Variants in RYR2 observed in about 807,000 individuals in gnomAD.
RYR2 encodes cardiac muscle ryanodine receptor-calcium release channel.
A neutral mutation model predicts 601.1 loss-of-function variants in RYR2; 227 were observed. The observed-to-expected ratio is 0.38, with a 90% CI of 0.34 to 0.42. RYR2 has a LOEUF of 0.42. Among genes scored for constraint, RYR2 ranks in the 10% least tolerant of loss-of-function variants. The pLI is 1.00. For synonymous variants in RYR2, 2,223 were observed against 2,175.1 expected (o/e 1.02, Z -0.61); for missense variants, 4,646 against 6,156.5 (o/e 0.75, Z 8.21).
chr1:237,331,671 ATTT>A (rs34015889), intron 3 of RYR2, among the ~76,000 whole-genome samples: 11 of 134,848 alleles, frequency 8.2e-5, no homozygotes, highest in African/African-American at 2.8e-4. Context: ...ACACCTGGCT[ATTT>A]TTTTTTTTTT....
chr1:237,338,383 A>T (rs1697442230), intron 3 of RYR2, among the ~76,000 whole-genome samples: 1 of 152,194 alleles, frequency 6.6e-6, no homozygotes, highest in Non-Finnish European at 1.5e-5. Context: ...TCCAGTAGTT[A>T]ATCACATGAT....
intron 26 of RYR2, among the ~76,000 whole-genome samples, chr1:237,549,440 G>A (rs1670152458): frequency 6.6e-6 from 1 of 151,846 alleles, no homozygotes; most frequent in Non-Finnish European, 1.5e-5. Flanking sequence ...CTGGGCATGG[G>A]GCACATGCCT....
chr1:237,267,256 C>T (rs1205343066), intron 1 of RYR2, among the ~76,000 whole-genome samples: 1 of 152,322 alleles, frequency 6.6e-6, no homozygotes, highest in East Asian at 1.9e-4. Flanking sequence ...CAGTGGCCCA[C>T]GCCTGTAATC....
intron 17 of RYR2, among the ~76,000 whole-genome samples, chr1:237,484,054 A>G (rs1662413317): frequency 1.3e-5 from 2 of 152,204 alleles, no homozygotes. Context: ...AATTCCTACT[A>G]ATTAGCACTC....
chr1:237,143,438 T>G (rs940772168), intron 1 of RYR2, among the ~76,000 whole-genome samples: 1 of 152,132 alleles, frequency 6.6e-6, no homozygotes, highest in African/African-American at 2.4e-5. Flanking sequence ...TTGGAGGAGA[T>G]TCCTCCAAAT....
At chr1:237,325,281 G>A (rs1696037855) in intron 2 of RYR2, among the ~76,000 whole-genome samples, 1 of 152,184 alleles carries the variant, frequency 6.6e-6, no homozygotes, top group Non-Finnish European at 1.5e-5. Context: ...TTTAAAAATG[G>A]TAATTTATAT....
At chr1:237,045,405 A>G (rs952866408) in intron 1 of RYR2, among the ~76,000 whole-genome samples, 1 of 152,134 alleles carries the variant, frequency 6.6e-6, no homozygotes, top group Admixed American at 6.5e-5. Flanking sequence ...TCTCTCTGGC[A>G]TCTCTGTTCC....
Position 237,803,449 on chromosome 1 carries a change from C to G in RYR2, c.14151+1533C>G, listed in dbSNP as rs145478523. 1.5e-3 allele frequency among the ~76,000 whole-genome samples: 233 copies of G among 152,184 alleles called. 2 individuals carry two copies. The East Asian group carries it at 0.035, about 23-fold the overall frequency. Reference sequence around the variant, plus strand: ...CTGAGTAGCTGGGACTACAGGCGCCCGCCACCACGCCCGGCTAATTTTTTG... The same window carrying G: ...CTGAGTAGCTGGGACTACAGGCGCCGGCCACCACGCCCGGCTAATTTTTTG... On this transcript the variant is annotated intron_variant, in intron 98 of 104. Coordinates refer to ENST00000366574, the MANE Select transcript of RYR2 (RefSeq NM_001035.3).
intron 76 of RYR2, 90 bp from the exon 77 acceptor site, chr1:237,730,170 G>A (rs1690548875): frequency 6.8e-6 from 5 of 738,406 alleles, no homozygotes; most frequent in Non-Finnish European, 1.2e-5. Context: ...CACTTTCAGT[G>A]CACAGATAAT....
At chr1:237,622,892 T>C (rs764033146) in intron 38 of RYR2, among the ~76,000 whole-genome samples, 2 of 152,214 alleles carry the variant, frequency 1.3e-5, no homozygotes, top group Non-Finnish European at 2.9e-5. Flanking sequence ...AGGATGATTG[T>C]ATTCCAAACT....
At chr1:237,794,088 T>A in intron 95 of RYR2, 91 bp downstream of exon 95, 1 of 1,118,468 alleles carries the variant, frequency 8.9e-7, no homozygotes, top group Non-Finnish European at 1.3e-6. Flanking sequence ...GTCAAAAGTT[T>A]AGCAGAGGTG....
chr1:237,831,776 T>C (rs1663819998), intron 104 of RYR2, among the ~76,000 whole-genome samples: 1 of 152,250 alleles, frequency 6.6e-6, no homozygotes, highest in African/African-American at 2.4e-5. Flanking sequence ...TGTAACACAA[T>C]AAGCTTTTAC....
chr1:237,051,223 C>G lies in RYR2; in HGVS notation c.48+8654C>G, dbSNP rs189899132. ...CCTCCCTTTCCCTTTCTCTCCCCCCCCTTCCTCCCCTTTCCCTCCCCTTCC... is the reference window on the plus strand; with the variant it reads ...CCTCCCTTTCCCTTTCTCTCCCCCCGCTTCCTCCCCTTTCCCTCCCCTTCC... On this transcript the variant is annotated intron_variant, in intron 1 of 104. Coordinates refer to ENST00000366574, the MANE Select transcript of RYR2 (RefSeq NM_001035.3). Among the ~76,000 whole-genome samples the G allele has an allele frequency of 2.1e-3, 231 of 107,698 alleles. 6 individuals are homozygous for G. The highest frequency in any genetic ancestry group is 0.019 in the Admixed American group (198 of 10,666). 70.7% of individuals were successfully genotyped at this position (107,698 alleles called of 152,430 possible).
chr1:237,564,114 A>G (rs569890993), intron 27 of RYR2, among the ~76,000 whole-genome samples: 1 of 152,276 alleles, frequency 6.6e-6, no homozygotes, highest in East Asian at 1.9e-4. Context: ...TGTAATTTAT[A>G]GCTCATATTT....
chr1:237,614,051 C>A lies in RYR2; in HGVS notation c.4923C>A (p.Ile1641=), dbSNP rs1409843006. The A allele has an allele frequency of 1.2e-6, 2 of 1,612,662 alleles. No homozygotes were observed. The highest frequency in any genetic ancestry group is 4.5e-5 in the East Asian group (2 of 44,856). ...CTCCCTTCTACAGATCTGTTGACAT[C>A]TTAGAGTTGACAGAGCAGGAGGAAT... ...HIPEENRSVD[I]LELTEQEELL... Residue 1641 remains isoleucine (I), a synonymous_variant, in exon 37 of 105, where the codon ATC becomes ATA. Coordinates refer to ENST00000366574, the MANE Select transcript of RYR2 (RefSeq NM_001035.3). This position sits in a 1 kb window ranked among gnomAD's most constrained non-coding sequence, Gnocchi z 4.3.
chr1:237,313,663 T>C (rs1694798528), intron 2 of RYR2, among the ~76,000 whole-genome samples: 1 of 152,240 alleles, frequency 6.6e-6, no homozygotes. Context: ...AAAATTATGT[T>C]GTTTTAAGCC....
intron 50 of RYR2, 27 bp downstream of exon 50, chr1:237,650,124 G>A: frequency 6.3e-7 from 1 of 1,583,934 alleles, no homozygotes; most frequent in Non-Finnish European, 8.6e-7. Flanking sequence ...TTCTATTCCG[G>A]CTTCTTCTTT....
chr1:237,138,124 T>C (rs2148739902), intron 1 of RYR2, among the ~76,000 whole-genome samples: 1 of 152,268 alleles, frequency 6.6e-6, no homozygotes, highest in South Asian at 2.1e-4. Flanking sequence ...TTCTGCCTCC[T>C]GGGTTCAAGC....
At chr1:237,726,035 T>C (rs905699059) in intron 74 of RYR2, among the ~76,000 whole-genome samples, 5 of 152,100 alleles carry the variant, frequency 3.3e-5, no homozygotes, top group East Asian at 1.9e-4. Flanking sequence ...ATCAAGAAGA[T>C]GATTGAAGTG....
Sources: allele counts gnomAD v4.1 joint callset (sites outside exome capture counted in the v4.1 genomes callset), GRCh38; gene constraint gnomAD v4.1.1; non-coding constraint Gnocchi (gnomAD v3.1); transcripts MANE v1.5; gene names NCBI Gene and HGNC (gene_info 2026-07-23, HGNC 2026-07-21).